The following DCDC2 variants were observed in gnomAD, a reference collection of about 807,000 sequenced individuals.
DCDC2 encodes doublecortin domain-containing protein 2.
In DCDC2, 40 loss-of-function variants were observed where a neutral mutation model predicts 50.2. The ratio of observed to expected loss-of-function variants is 0.80; its 90% CI spans 0.62 to 1.04. The LOEUF is 1.04. DCDC2 is among the 50% of genes least tolerant of loss of function. The pLI is 0.00. For missense variants in DCDC2, 570 were observed against 581.9 expected (o/e 0.98, Z 0.21); for synonymous variants, 234 against 210.6 (o/e 1.11, Z -0.96).
intron 8 of DCDC2, among the ~76,000 whole-genome samples, chr6:24,185,392 G>A (rs569770703): frequency 6.6e-6 from 1 of 152,250 alleles, no homozygotes; most frequent in Non-Finnish European, 1.5e-5. Context: ...AGATTATCGT[G>A]TTGAAATGCC....
intron 7 of DCDC2, among the ~76,000 whole-genome samples, chr6:24,275,195 A>T (rs1763325883): frequency 1.3e-5 from 2 of 152,330 alleles, no homozygotes; most frequent in Non-Finnish European, 2.9e-5. Flanking sequence ...CATTAAAGTA[A>T]AAAGCAACTT....
At chr6:24,278,557 T>C (rs1427830774) in intron 6 of DCDC2, among the ~76,000 whole-genome samples, 2 of 152,178 alleles carry the variant, frequency 1.3e-5, no homozygotes, top group Non-Finnish European at 2.9e-5. Context: ...CACGTCACTG[T>C]AGAGATCAGC....
the DCDC2 span, among the ~76,000 whole-genome samples, chr6:24,381,546 C>T: frequency 6.6e-6 from 1 of 152,226 alleles, no homozygotes; most frequent in Non-Finnish European, 1.5e-5. Flanking sequence ...AGTAGACGCA[C>T]TATTAAAACT....
chr6:24,240,283 T>G (rs905358110), intron 7 of DCDC2, among the ~76,000 whole-genome samples: 7 of 152,170 alleles, frequency 4.6e-5, no homozygotes, highest in African/African-American at 1.7e-4. Flanking sequence ...CCTCGGTGGC[T>G]TTAAAGAGGT....
Position 24,288,894 on chromosome 6 carries a change from A to C in DCDC2, c.717T>G (p.Ser239=), listed in dbSNP as rs765844325. Residue 239 remains serine (S), a synonymous_variant, in exon 6 of 10, where the codon TCT becomes TCG. Coordinates refer to ENST00000378454, the MANE Select transcript of DCDC2 (RefSeq NM_016356.5). ...TGGATCCTACAATAGGAGGTAGTGA[A>C]GAAGCTTTCTGACTGTGGAAACAAA... is the stretch of plus-strand genomic sequence containing the variant. ...TMRRPFGQKA[S]SLPPIVGSRK... 1.9e-5 allele frequency: 31 copies of C among 1,601,886 alleles called. No individual in the cohort carries two copies. The highest frequency in any genetic ancestry group is 2.5e-5 in the Non-Finnish European group (30 of 1,176,712).
chr6:24,209,863 T>C (rs1761818269), intron 7 of DCDC2, among the ~76,000 whole-genome samples: 1 of 152,162 alleles, frequency 6.6e-6, no homozygotes, highest in Non-Finnish European at 1.5e-5. Context: ...CACGGTCTCA[T>C]CCTCACCCCC....
intron 2 of DCDC2, among the ~76,000 whole-genome samples, chr6:24,343,051 CTTTTT>C (rs11322032): frequency 8.1e-6 from 1 of 124,108 alleles, no homozygotes. Flanking sequence ...GGTAAATATT[CTTTTT>C]TTTTTTTTTT....
At chr6:24,288,116 A>G (rs1246824760) in intron 6 of DCDC2, among the ~76,000 whole-genome samples, 4 of 152,266 alleles carry the variant, frequency 2.6e-5, no homozygotes, top group African/African-American at 7.2e-5. Context: ...TTTACAAAAT[A>G]CCAAAATAAG....
At position 24,173,818 on chromosome 6, in the gene DCDC2, T is replaced by C. The variant is rs1244861416; in HGVS notation, c.*912A>G. The C allele has an allele frequency of 6.6e-6, 1 of 152,226 alleles. No individual in the cohort carries two copies. The highest frequency in any genetic ancestry group is 1.5e-5 in the Non-Finnish European group (1 of 68,036). The allele number at this position is 152,226 out of a possible 1,614,324, so 9.4% of individuals were successfully genotyped here. A position where few individuals can be genotyped will look rare whatever the true frequency, so the allele number is the denominator to read the frequency against. On this transcript the variant is annotated 3_prime_UTR_variant, in exon 10 of 10. Transcript: ENST00000378454. ...ATTGAGCAGTCACAAACTCTTCATA[T>C]AGTCTACTTTTTTCTTCCTAATACA...
At position 24,240,378 on chromosome 6, in the gene DCDC2, A is replaced by G. The variant is rs80107459; in HGVS notation, c.923-35276T>C. ...TCTGATTACAAGCATCATGCAATTT[A>G]TCTCCTGCTAACTGAACTGCAGAGT... On this transcript the variant is annotated intron_variant, in intron 7 of 9. Transcript: ENST00000378454. Among the ~76,000 whole-genome samples, 816 of 152,334 alleles carry G rather than the reference A, an allele frequency of 5.4e-3. 3 individuals carry two copies. The highest frequency in any genetic ancestry group is 0.024 in the Middle Eastern group (7 of 294).
chr6:24,232,373 A>G (rs1029991036), intron 7 of DCDC2, among the ~76,000 whole-genome samples: 9 of 152,252 alleles, frequency 5.9e-5, no homozygotes, highest in Non-Finnish European at 1.0e-4. Flanking sequence ...CACTGCTGTC[A>G]CTGTGTTTCA....
intron 7 of DCDC2, among the ~76,000 whole-genome samples, chr6:24,219,912 T>A (rs1202000096): frequency 6.6e-6 from 1 of 152,156 alleles, no homozygotes; most frequent in South Asian, 2.1e-4. Flanking sequence ...ACACTTTCTA[T>A]CAAAACCAGA....
chr6:24,183,795 G>A (rs1761133886), intron 8 of DCDC2, among the ~76,000 whole-genome samples: 1 of 152,186 alleles, frequency 6.6e-6, no homozygotes, highest in South Asian at 2.1e-4. Context: ...CAATAGGCAG[G>A]AAAGATGCGT....
intron 7 of DCDC2, among the ~76,000 whole-genome samples, chr6:24,262,177 G>A (rs1274721738): frequency 6.7e-6 from 1 of 148,784 alleles, no homozygotes; most frequent in Non-Finnish European, 1.5e-5. Context: ...TGTGTGCTTA[G>A]GGGAGGGAGA....
intron 7 of DCDC2, among the ~76,000 whole-genome samples, chr6:24,206,949 A>G (rs983071016): frequency 6.6e-6 from 1 of 152,202 alleles, no homozygotes; most frequent in African/African-American, 2.4e-5. Flanking sequence ...ACAGAGCAAG[A>G]AATGAAGATC....
rs907957276 is a variant in DCDC2 at position 24,172,963 on chromosome 6, C to A, written c.*1767G>T. ...ATCATGCCACTGCACCCAGCCTGGG[C>A]GACAAGAGCAAGACTTCATCTCAAA... On this transcript the variant is annotated 3_prime_UTR_variant, in exon 10 of 10. Transcript: ENST00000378454. 2.1e-5 allele frequency: 3 copies of A among 144,368 alleles called. No individual in the cohort carries two copies. Among genetic ancestry groups the A allele is most frequent in the African/African-American group, 7.5e-5 (3 of 39,960 alleles). 8.9% of individuals were successfully genotyped at this position (144,368 alleles called of 1,614,324 possible). A position where few individuals can be genotyped will look rare whatever the true frequency, so the allele number is the denominator to read the frequency against.
intron 2 of DCDC2, among the ~76,000 whole-genome samples, chr6:24,307,617 T>A (rs1759496829): frequency 6.6e-6 from 1 of 152,144 alleles, no homozygotes; most frequent in Admixed American, 6.5e-5. Context: ...AAATAATGAA[T>A]CAGTTTTCAC....
intron 8 of DCDC2, among the ~76,000 whole-genome samples, chr6:24,201,341 T>A (rs1175528725): frequency 3.3e-5 from 5 of 152,144 alleles, no homozygotes; most frequent in Admixed American, 6.5e-5. Context: ...AACTCAGAAT[T>A]AAGGAACTCA....
intron 7 of DCDC2, among the ~76,000 whole-genome samples, chr6:24,208,318 T>C (rs1034985406): frequency 4.6e-5 from 7 of 150,782 alleles, no homozygotes; most frequent in Non-Finnish European, 7.4e-5. Context: ...TCTTATCCTG[T>C]AACCCCACAA....
Sources: allele counts gnomAD v4.1 joint callset (sites outside exome capture counted in the v4.1 genomes callset), GRCh38; gene constraint gnomAD v4.1.1; transcripts MANE v1.5; gene names NCBI Gene and HGNC (gene_info 2026-07-23, HGNC 2026-07-21).